Variants in UBASH3B observed in about 807,000 individuals in gnomAD.
UBASH3B encodes ubiquitin associated and SH3 domain containing B, also known as ubiquitin-associated and SH3 domain-containing protein B.
In UBASH3B, 37 loss-of-function variants were observed where a neutral mutation model predicts 83.4. The observed-to-expected ratio is 0.44, with a 90% CI of 0.34 to 0.58. The LOEUF (loss-of-function observed/expected upper bound fraction) is 0.58. UBASH3B is among the 20% of genes least tolerant of loss of function. UBASH3B has a pLI of 0.01. For synonymous variants in UBASH3B, 304 were observed against 318.3 expected (o/e 0.96, Z 0.48); for missense variants, 657 against 827.2 (o/e 0.79, Z 2.52).
chr11:122,674,403 C>T (rs980367148), intron 1 of UBASH3B, among the ~76,000 whole-genome samples: 7 of 137,704 alleles, frequency 5.1e-5, no homozygotes, highest in African/African-American at 8.3e-5. Flanking sequence ...TTTTTTGAGA[C>T]GGAGTCTAGC....
chr11:122,690,165 A>AATATATATAT (rs1863863732), intron 1 of UBASH3B, among the ~76,000 whole-genome samples: 1 of 35,878 alleles, frequency 2.8e-5, no homozygotes, highest in Non-Finnish European at 6.0e-5. Context: ...GAGGCAGGAA[A>AATATATATAT]ACATATATAT....
chr11:122,761,621 G>A (rs953763127), intron 1 of UBASH3B, among the ~76,000 whole-genome samples: 2 of 152,026 alleles, frequency 1.3e-5, no homozygotes, highest in South Asian at 4.2e-4. Context: ...GGCTGAAACC[G>A]TTTCAGAAGG....
chr11:122,727,153 C>T (rs536444627), intron 1 of UBASH3B, among the ~76,000 whole-genome samples: 17 of 152,318 alleles, frequency 1.1e-4, no homozygotes, highest in South Asian at 2.1e-4. Flanking sequence ...TTTTAAGCCG[C>T]GTCCTGCCGG....
intron 1 of UBASH3B, among the ~76,000 whole-genome samples, chr11:122,670,373 G>C (rs1458415627): frequency 6.6e-6 from 1 of 152,180 alleles, no homozygotes; most frequent in Non-Finnish European, 1.5e-5. Flanking sequence ...GTGGCCTCAA[G>C]AAAGGGCTCC....
intron 1 of UBASH3B, among the ~76,000 whole-genome samples, chr11:122,727,976 T>C (rs1860773061): frequency 1.3e-5 from 2 of 151,118 alleles, no homozygotes; most frequent in Admixed American, 6.6e-5. Flanking sequence ...TCTCCTGCCC[T>C]GTAGTTTTAG....
At chr11:122,796,402 G>T in intron 8 of UBASH3B, 126 bp downstream of exon 8, 5 of 1,402,798 alleles carry the variant, frequency 3.6e-6, no homozygotes, top group Non-Finnish European at 4.8e-6. Flanking sequence ...TGTCTGTCAT[G>T]TGTAAGCCCC....
At chr11:122,660,469 G>T (rs1429958299) in intron 1 of UBASH3B, among the ~76,000 whole-genome samples, 1 of 152,184 alleles carries the variant, frequency 6.6e-6, no homozygotes, top group Non-Finnish European at 1.5e-5. Flanking sequence ...GGAAAAGAAA[G>T]AATGTATTGG....
chr11:122,672,985 CTG>C (rs1863619259), intron 1 of UBASH3B, among the ~76,000 whole-genome samples: 1 of 152,126 alleles, frequency 6.6e-6, no homozygotes, highest in Non-Finnish European at 1.5e-5. Flanking sequence ...TACCCCAGGG[CTG>C]AGGGGATGTG....
intron 4 of UBASH3B, among the ~76,000 whole-genome samples, chr11:122,781,745 T>C (rs1262902265): frequency 6.6e-6 from 1 of 152,220 alleles, no homozygotes; most frequent in Non-Finnish European, 1.5e-5. Context: ...ATCAAGTAGA[T>C]TTAGTGTCTT....
At chr11:122,798,459 T>A (rs1187505130) in intron 9 of UBASH3B, among the ~76,000 whole-genome samples, 1 of 152,016 alleles carries the variant, frequency 6.6e-6, no homozygotes, top group Non-Finnish European at 1.5e-5. Flanking sequence ...ACGCCTGTAA[T>A]CCCAGCACTT....
chr11:122,700,095 C>G (rs1434432259), intron 1 of UBASH3B, among the ~76,000 whole-genome samples: 2 of 152,068 alleles, frequency 1.3e-5, no homozygotes, highest in Non-Finnish European at 2.9e-5. Flanking sequence ...TAGCGGAGAC[C>G]CGACATGCTG....
chr11:122,707,829 G>A (rs993963405), intron 1 of UBASH3B, among the ~76,000 whole-genome samples: 1 of 152,014 alleles, frequency 6.6e-6, no homozygotes, highest in Non-Finnish European at 1.5e-5. Flanking sequence ...CGAGTAGCTG[G>A]GATTACAGGT....
chr11:122,777,969 A>G (rs1270644830), intron 3 of UBASH3B, among the ~76,000 whole-genome samples: 1 of 152,118 alleles, frequency 6.6e-6, no homozygotes, highest in Non-Finnish European at 1.5e-5. Flanking sequence ...ACCTCAAGTG[A>G]TCCGCCCACC....
At chr11:122,794,164 T>C (rs924397629) in intron 6 of UBASH3B, among the ~76,000 whole-genome samples, 2 of 152,204 alleles carry the variant, frequency 1.3e-5, no homozygotes, top group African/African-American at 4.8e-5. Flanking sequence ...CTGTCCTCAG[T>C]GCAGAAATCC....
chr11:122,690,030 C>G (rs1352827877), intron 1 of UBASH3B, among the ~76,000 whole-genome samples: 2 of 151,424 alleles, frequency 1.3e-5, no homozygotes, highest in Non-Finnish European at 2.9e-5. Flanking sequence ...TTTCTTCCCC[C>G]AGGGTGGGAC....
intron 1 of UBASH3B, among the ~76,000 whole-genome samples, chr11:122,745,108 G>A (rs926009781): frequency 6.6e-6 from 1 of 152,172 alleles, no homozygotes; most frequent in African/African-American, 2.4e-5. Flanking sequence ...CGTCCTGGAA[G>A]CTGCCTGAGG....
At chr11:122,690,214 T>TATATATAAAATTATATA (rs1863873410) in intron 1 of UBASH3B, among the ~76,000 whole-genome samples, 1 of 52,684 alleles carries the variant, frequency 1.9e-5, no homozygotes, top group Non-Finnish European at 3.3e-5. Flanking sequence ...ATATATCCAA[T>TATATATAAAATTATATA]TATATATATA....
intron 1 of UBASH3B, among the ~76,000 whole-genome samples, chr11:122,766,296 C>T (rs1306570273): frequency 6.6e-6 from 1 of 152,190 alleles, no homozygotes; most frequent in African/African-American, 2.4e-5. Context: ...CCTGTAATCC[C>T]AGCACTTTGG....
chr11:122,698,643 A>G (rs1332061978), intron 1 of UBASH3B, among the ~76,000 whole-genome samples: 1 of 152,042 alleles, frequency 6.6e-6, no homozygotes, highest in African/African-American at 2.4e-5. Context: ...CCGTGTGTGG[A>G]GGCTCACTGA....
Sources: allele counts gnomAD v4.1 joint callset (sites outside exome capture counted in the v4.1 genomes callset), GRCh38; gene constraint gnomAD v4.1.1; transcripts MANE v1.5; gene names NCBI Gene and HGNC (gene_info 2026-07-23, HGNC 2026-07-21).